The following C4orf17 variants were observed in gnomAD, a reference collection of about 807,000 sequenced individuals.
C4orf17 encodes the protein uncharacterized protein C4orf17.
C4orf17 carries 25 observed loss-of-function variants against 32.0 expected under a neutral mutation model. The ratio of observed to expected loss-of-function variants is 0.78; its 90% CI spans 0.57 to 1.09. The LOEUF (loss-of-function observed/expected upper bound fraction) is 1.09, where lower values mean the gene tolerates loss of function less well. C4orf17 is among the 50% of genes least tolerant of loss of function. The pLI, the probability that C4orf17 is intolerant of heterozygous loss-of-function variation, is 0.00. For synonymous variants in C4orf17, 149 were observed against 145.8 expected (o/e 1.02, Z -0.16); for missense variants, 420 against 420.0 (o/e 1.00, Z 0.00).
intron 5 of C4orf17, among the ~76,000 whole-genome samples, 184 bp from the exon 6 acceptor site, chr4:99,537,485 T>G (rs1275845136): frequency 6.6e-6 from 1 of 152,206 alleles, no homozygotes; most frequent in Non-Finnish European, 1.5e-5. Flanking sequence ...AAATGTTGTT[T>G]TCACTAAGAT....
At chr4:99,512,447 A>C (rs1245052459) in intron 1 of C4orf17, among the ~76,000 whole-genome samples, 1 of 152,160 alleles carries the variant, frequency 6.6e-6, no homozygotes, top group Non-Finnish European at 1.5e-5. Context: ...AAACAACAAC[A>C]TGGCAAAGGT....
intron 7 of C4orf17, 113 bp downstream of exon 7, chr4:99,539,483 T>TAGA: frequency 1.2e-6 from 1 of 800,400 alleles, no homozygotes; most frequent in Non-Finnish European, 2.1e-6. Context: ...AGCTCCGCTT[T>TAGA]ATTCAGTAAG....
rs78349254 is a variant in C4orf17, at chr4:99,515,197, A to G, written c.127+1989A>G. On this transcript the variant is annotated intron_variant, in intron 2 of 8. Transcript: ENST00000326581. Reference sequence around the variant, plus strand: ...CACCAAAATTTCAGAAATCACCACTAAAGAACTTATCCAGTAATAAATCAT... The same window carrying G: ...CACCAAAATTTCAGAAATCACCACTGAAGAACTTATCCAGTAATAAATCAT... Among the ~76,000 whole-genome samples the G allele has an allele frequency of 0.015, 2,274 of 152,214 alleles. 407 individuals carry two copies. The East Asian group carries it at 0.39, about 26-fold the overall frequency.
At chr4:99,524,433 A>C (rs1198723038) in intron 3 of C4orf17, 88 bp from the exon 4 acceptor site, 5 of 596,128 alleles carry the variant, frequency 8.4e-6, no homozygotes, top group Non-Finnish European at 1.3e-5. Context: ...GAAACACTCT[A>C]TCTATTTCAG....
chr4:99,524,446 A>G, intron 3 of C4orf17, 75 bp from the exon 4 acceptor site: 2 of 833,268 alleles, frequency 2.4e-6, no homozygotes, highest in South Asian at 1.6e-5. Flanking sequence ...TATTTCAGCA[A>G]TTGACACATA....
intron 5 of C4orf17, among the ~76,000 whole-genome samples, chr4:99,537,341 C>A (rs1007356007): frequency 6.6e-6 from 1 of 152,106 alleles, no homozygotes; most frequent in African/African-American, 2.4e-5. Context: ...ATCTGTGTGT[C>A]AGTGTATGTT....
intron 2 of C4orf17, among the ~76,000 whole-genome samples, chr4:99,514,784 T>C (rs1054926630): frequency 6.6e-6 from 1 of 152,202 alleles, no homozygotes; most frequent in Non-Finnish European, 1.5e-5. Context: ...TAAGTCATTA[T>C]ATGAAAAAGA....
At chr4:99,517,555 C>A (rs1578187034) in intron 2 of C4orf17, among the ~76,000 whole-genome samples, 1 of 114,542 alleles carries the variant, frequency 8.7e-6, no homozygotes, top group Admixed American at 9.1e-5. Flanking sequence ...CTCTTTCCCT[C>A]TTTCTCTTTC....
intron 2 of C4orf17, among the ~76,000 whole-genome samples, chr4:99,514,205 C>T (rs921404156): frequency 1.3e-5 from 2 of 152,028 alleles, no homozygotes; most frequent in African/African-American, 4.8e-5. Flanking sequence ...GCAAATAATT[C>T]ATGACTAAGA....
In C4orf17 at chr4:99,540,422, C is replaced by T. The variant is rs777417186; in HGVS notation, c.847C>T (p.Gln283Ter). 2 of 1,611,194 alleles carry T rather than the reference C, an allele frequency of 1.2e-6. No homozygotes were observed. The highest frequency in any genetic ancestry group is 1.7e-6 in the Non-Finnish European group (2 of 1,178,276). The change falls in exon 8 of 9, where the codon CAA becomes TAA. Residue 283 changes from glutamine (Q) to a stop codon, truncating the protein, a stop_gained. Coordinates refer to ENST00000326581, the MANE Select transcript of C4orf17 (RefSeq NM_032149.3). LOFTEE classifies it low-confidence loss of function (END_TRUNC). The stretch of plus-strand genomic sequence containing the variant: ...CTCCAACTGATCTAGAGTGTCAAGT[C>T]AAGGATCTGAAGAAAACAAGGAAGT... ...EGDQPTRVSSQGSEENKEVPK... is the reference protein window; with the variant it reads ...EGDQPTRVSS
In C4orf17 at chr4:99,511,549, GACAA is replaced by G. The variant is rs367661475; in HGVS notation, c.-94+281_-94+284del. ...TTTAAGTCAATTTCATCAGGTAATAGACAAACAGACTGAAATCTAGGCAATAAAA... is the reference window on the plus strand; with the variant it reads ...TTTAAGTCAATTTCATCAGGTAATAGACAGACTGAAATCTAGGCAATAAAA... On this transcript the variant is annotated intron_variant, in intron 1 of 8. Transcript: ENST00000326581. Among the ~76,000 whole-genome samples, 406 of 151,910 alleles carry G rather than the reference GACAA, an allele frequency of 2.7e-3. 4 individuals are homozygous for G. The highest frequency in any genetic ancestry group is 9.4e-3 in the African/African-American group (388 of 41,434).
intron 8 of C4orf17, chr4:99,541,093 T>C (rs1209456588): frequency 2.0e-5 from 3 of 152,264 alleles, no homozygotes; most frequent in Non-Finnish European, 2.9e-5. Context: ...GAAGTGTATC[T>C]ACAAGCTTTA....
chr4:99,528,243 CAATAAGTTTATTG>C (rs1484991227), intron 4 of C4orf17, among the ~76,000 whole-genome samples: 2 of 152,024 alleles, frequency 1.3e-5, no homozygotes, highest in African/African-American at 4.8e-5. Flanking sequence ...AAAGTTTATT[CAATAAGTTTATTG>C]ATTTTATTAG....
At chr4:99,516,917 A>G (rs1197084974) in intron 2 of C4orf17, among the ~76,000 whole-genome samples, 5 of 152,170 alleles carry the variant, frequency 3.3e-5, no homozygotes, top group Non-Finnish European at 7.4e-5. Context: ...TGGGCTTGCT[A>G]AGGTTGCCAC....
At chr4:99,534,560 T>C (rs1723529465) in intron 5 of C4orf17, among the ~76,000 whole-genome samples, 1 of 152,214 alleles carries the variant, frequency 6.6e-6, no homozygotes, top group African/African-American at 2.4e-5. Flanking sequence ...CACCACACTG[T>C]CTTCCACAAT....
intron 3 of C4orf17, among the ~76,000 whole-genome samples, chr4:99,524,175 A>G (rs181555637): frequency 1.9e-4 from 29 of 151,850 alleles, no homozygotes; most frequent in Admixed American, 5.9e-4. Flanking sequence ...TGGAGATGGG[A>G]CTTCACCGTG....
rs1185073007 is a variant in C4orf17 at position 99,512,663 on chromosome 4, A to G, written c.-93-326A>G. ...GTCATCATTTAAATTTACTATATCAAAATTGATAATCATGTAATTTTTTTT... is the reference window on the plus strand; with the variant it reads ...GTCATCATTTAAATTTACTATATCAGAATTGATAATCATGTAATTTTTTTT... On this transcript the variant is annotated intron_variant, in intron 1 of 8. Transcript: ENST00000326581. Among the ~76,000 whole-genome samples, 3 of 152,232 alleles carry G rather than the reference A, an allele frequency of 2.0e-5. No homozygotes were observed. In the East Asian group the frequency reaches 5.8e-4, roughly 29 times the overall value.
intron 4 of C4orf17, among the ~76,000 whole-genome samples, chr4:99,525,457 C>G (rs905850781): frequency 6.6e-6 from 1 of 152,120 alleles, no homozygotes; most frequent in Non-Finnish European, 1.5e-5. Flanking sequence ...ATGTATATAT[C>G]TTTTTATGGG....
Position 99,537,730 on chromosome 4 carries a change from T to C in C4orf17, c.608T>C (p.Leu203Pro), listed in dbSNP as rs1270485195. The C allele has an allele frequency of 1.2e-6, 2 of 1,612,254 alleles. No individual in the cohort carries two copies. The highest frequency in any genetic ancestry group is 1.7e-6 in the Non-Finnish European group (2 of 1,179,524). ...TDSLAEVLQW[L>P]LHATSKEKEW... ...TCTCTGGCAGAAGTTTTACAGTGGC[T>C]GCTTCATGCAACTTCAAAAGGTGCG... The change falls in exon 6 of 9, where the codon CTG becomes CCG. Residue 203 changes from leucine to proline, a missense_variant. By Grantham distance (98) the Leu-to-Pro change is moderately conservative (BLOSUM62 -3). Coordinates refer to ENST00000326581, the MANE Select transcript of C4orf17 (RefSeq NM_032149.3).
Sources: allele counts gnomAD v4.1 joint callset (sites outside exome capture counted in the v4.1 genomes callset), GRCh38; gene constraint gnomAD v4.1.1; transcripts MANE v1.5; gene names NCBI Gene and HGNC (gene_info 2026-07-23, HGNC 2026-07-21).